PLCXD3: variants seen among roughly 807,000 people sequenced by gnomAD.
PLCXD3 encodes phosphatidylinositol specific phospholipase C X domain containing 3.
Under a neutral mutation model 25.5 loss-of-function variants are expected in PLCXD3, and 19 were observed. The observed-to-expected ratio is 0.75, with a 90% CI of 0.52 to 1.09. The LOEUF is 1.09. Ranked by LOEUF, PLCXD3 falls within the 50% of genes least tolerant of loss-of-function variation. The pLI is 0.00. For missense variants in PLCXD3, 411 were observed against 388.1 expected, an observed-to-expected ratio of 1.06 and a Z score of -0.50; for synonymous variants, 174 against 137.6, an observed-to-expected ratio of 1.26 and a Z score of -1.85.
At chr5:41,427,054 T>G (rs1746975252) in intron 1 of PLCXD3, among the ~76,000 whole-genome samples, 1 of 152,158 alleles carries the variant, frequency 6.6e-6, no homozygotes, top group African/African-American at 2.4e-5. Flanking sequence ...CTTTTCCCTT[T>G]GCTGATTTGC....
intron 1 of PLCXD3, among the ~76,000 whole-genome samples, chr5:41,498,632 G>T (rs1424974890): frequency 4.0e-5 from 6 of 151,710 alleles, no homozygotes; most frequent in Admixed American, 3.9e-4. Context: ...GAAGAGAAGT[G>T]TACACTTCCA....
intron 1 of PLCXD3, among the ~76,000 whole-genome samples, chr5:41,477,984 G>A (rs1447259933): frequency 6.6e-6 from 1 of 152,198 alleles, no homozygotes. Flanking sequence ...GACATATACT[G>A]TCTAGGAGTA....
At chr5:41,431,763 A>T (rs1437595191) in intron 1 of PLCXD3, among the ~76,000 whole-genome samples, 1 of 152,222 alleles carries the variant, frequency 6.6e-6, no homozygotes, top group Non-Finnish European at 1.5e-5. Flanking sequence ...CATTACTCAT[A>T]AATCTCTAAT....
chr5:41,412,796 T>A (rs1746598584), intron 1 of PLCXD3, among the ~76,000 whole-genome samples: 1 of 152,204 alleles, frequency 6.6e-6, no homozygotes, highest in Admixed American at 6.5e-5. Flanking sequence ...CTGGACTTGG[T>A]GACATACAAT....
intron 1 of PLCXD3, among the ~76,000 whole-genome samples, chr5:41,431,882 C>A (rs1468312999): frequency 3.3e-5 from 5 of 152,092 alleles, no homozygotes; most frequent in Admixed American, 1.3e-4. Flanking sequence ...CAATTTCAAG[C>A]CATTCTCCTG....
At chr5:41,363,053 G>T (rs909869637) in intron 2 of PLCXD3, among the ~76,000 whole-genome samples, 1 of 152,188 alleles carries the variant, frequency 6.6e-6, no homozygotes, top group African/African-American at 2.4e-5. Context: ...GCATAATGAT[G>T]CTAGAAGAGG....
At chr5:41,412,792 T>C (rs1375246743) in intron 1 of PLCXD3, among the ~76,000 whole-genome samples, 1 of 152,208 alleles carries the variant, frequency 6.6e-6, no homozygotes, top group Non-Finnish European at 1.5e-5. Context: ...TTGTCTGGAC[T>C]TGGTGACATA....
rs766599004 is a variant in PLCXD3 at position 41,381,918 on chromosome 5, T to C, written c.720A>G (p.Gly240=). ...QASITERRKK[G]SFFISQVVLT... ...GCACCACCTGAGATATAAAAAACGA[T>C]CCCTTCTTTCTTCTCTCAGTGATGG... Residue 240 remains glycine, a synonymous_variant, in exon 2 of 3, where the codon GGA becomes GGG. Coordinates refer to ENST00000377801, the MANE Select transcript of PLCXD3 (RefSeq NM_001005473.3). 29 of 1,613,284 alleles carry C rather than the reference T, an allele frequency of 1.8e-5. No homozygotes were observed. The South Asian group carries it at 2.6e-4, about 15-fold the overall frequency.
chr5:41,342,054 G>A (rs1458931392), intron 2 of PLCXD3, among the ~76,000 whole-genome samples: 1 of 152,158 alleles, frequency 6.6e-6, no homozygotes, highest in African/African-American at 2.4e-5. Flanking sequence ...TCTATTTAGG[G>A]ATAAATATGG....
chr5:41,504,764 T>A (rs767245466), intron 1 of PLCXD3, among the ~76,000 whole-genome samples: 13 of 152,326 alleles, frequency 8.5e-5, no homozygotes, highest in Non-Finnish European at 1.8e-4. Flanking sequence ...AAATGGCAGA[T>A]ACCATGTTGT....
intron 1 of PLCXD3, among the ~76,000 whole-genome samples, chr5:41,467,659 C>T (rs1748048566): frequency 6.6e-6 from 1 of 152,080 alleles, no homozygotes; most frequent in African/African-American, 2.4e-5. Flanking sequence ...ATATTTTCTC[C>T]TATGTTTTCT....
At chr5:41,391,642 T>C (rs1256269521) in intron 1 of PLCXD3, among the ~76,000 whole-genome samples, 2 of 152,068 alleles carry the variant, frequency 1.3e-5, no homozygotes, top group Non-Finnish European at 2.9e-5. Flanking sequence ...CCACCTGTGG[T>C]GGCTACTGGG....
At chr5:41,372,730 G>C (rs1001262762) in intron 2 of PLCXD3, among the ~76,000 whole-genome samples, 6 of 151,848 alleles carry the variant, frequency 4.0e-5, no homozygotes, top group Non-Finnish European at 8.8e-5. Flanking sequence ...TGACCAAAAG[G>C]ACCCCAGAGA....
chr5:41,347,613 T>C (rs1561240466), intron 2 of PLCXD3, among the ~76,000 whole-genome samples: 1 of 152,316 alleles, frequency 6.6e-6, no homozygotes, highest in South Asian at 2.1e-4. Flanking sequence ...TACCAACCTA[T>C]AGTTGTTTTT....
At chr5:41,345,683 TACAC>T (rs57657516) in intron 2 of PLCXD3, among the ~76,000 whole-genome samples, 9,687 of 145,686 alleles carry the variant, frequency 0.066, 573 homozygotes, top group African/African-American at 0.16. Context: ...TACATATGTG[TACAC>T]ACACACACAC....
intron 1 of PLCXD3, among the ~76,000 whole-genome samples, chr5:41,418,126 A>G (rs2150505283): frequency 6.6e-6 from 1 of 152,326 alleles, no homozygotes; most frequent in Non-Finnish European, 1.5e-5. Flanking sequence ...ATATATAGGT[A>G]TGTGGCAGTG....
intron 1 of PLCXD3, among the ~76,000 whole-genome samples, chr5:41,447,555 T>C (rs1036582103): frequency 1.3e-5 from 2 of 152,180 alleles, no homozygotes; most frequent in Admixed American, 1.3e-4. Flanking sequence ...AACAGCATAT[T>C]GGAATTCAGA....
chr5:41,372,724 C>G (rs917385805), intron 2 of PLCXD3, among the ~76,000 whole-genome samples: 3 of 151,774 alleles, frequency 2.0e-5, no homozygotes, highest in Non-Finnish European at 2.9e-5. Context: ...CCTTCTTGAC[C>G]AAAAGGACCC....
intron 1 of PLCXD3, among the ~76,000 whole-genome samples, chr5:41,459,037 T>C (rs1246033574): frequency 6.6e-6 from 1 of 151,954 alleles, no homozygotes; most frequent in Non-Finnish European, 1.5e-5. Flanking sequence ...ATTTTCTTTT[T>C]CTCTCTTGTC....
Sources: gnomAD v4.1 joint callset for allele counts (sites outside exome capture counted in the v4.1 genomes callset) on GRCh38, gnomAD v4.1.1 for gene constraint, MANE v1.5 for transcripts, NCBI Gene and HGNC (gene_info 2026-07-23, HGNC 2026-07-21) for gene names.